The following C2orf76 variants were observed in gnomAD, a reference collection of about 807,000 sequenced individuals.
C2orf76 encodes the protein chromosome 2 open reading frame 76, also known as UPF0538 protein C2orf76.
A neutral mutation model predicts 16.9 loss-of-function variants in C2orf76; 23 were observed. The observed-to-expected ratio is 1.36, with a 90% confidence interval of 0.98 to 1.93. The LOEUF is 1.93. Among genes scored for constraint, C2orf76 ranks in the 30% most tolerant of loss-of-function variants. The probability of loss-of-function intolerance (pLI) is 0.00; values close to 1 mark genes in which losing one functional copy is unlikely to be tolerated. For synonymous variants in C2orf76, 48 were observed against 52.3 expected (o/e 0.92, Z 0.35); for missense variants, 152 against 152.6 (o/e 1.00, Z 0.02).
the C2orf76 span, among the ~76,000 whole-genome samples, chr2:119,281,531 GA>G: frequency 6.6e-6 from 1 of 151,980 alleles, no homozygotes; most frequent in African/African-American, 2.4e-5. Context: ...AAGAGAGAGA[GA>G]GAGAGAATGA....
chr2:119,289,687 G>GA, the C2orf76 span, among the ~76,000 whole-genome samples: 33,315 of 141,672 alleles, frequency 0.24, 4,033 homozygotes, highest in Middle Eastern at 0.35. Flanking sequence ...TCCGTCTCAA[G>GA]AAAAAAAAAA....
intron 5 of C2orf76, among the ~76,000 whole-genome samples, chr2:119,305,757 T>C (rs1434311095): frequency 6.6e-6 from 1 of 152,154 alleles, no homozygotes; most frequent in Non-Finnish European, 1.5e-5. Context: ...AATCCTAATC[T>C]ATAAATCATT....
chr2:119,302,871 C>G (rs1271491816), intron 5 of C2orf76, among the ~76,000 whole-genome samples: 1 of 152,080 alleles, frequency 6.6e-6, no homozygotes, highest in Non-Finnish European at 1.5e-5. Context: ...GTCTTTTTTA[C>G]AGTGCTAGGA....
At chr2:119,325,997 A>G (rs1374815743) in intron 2 of C2orf76, among the ~76,000 whole-genome samples, 1 of 152,084 alleles carries the variant, frequency 6.6e-6, no homozygotes, top group African/African-American at 2.4e-5. Context: ...TCCTTGTTGG[A>G]TGTATGTTTT....
rs779080867 is a variant in C2orf76, at chr2:119,311,615, T to A, written c.304+7A>T. 1 of 1,612,784 alleles carries A rather than the reference T, an allele frequency of 6.2e-7. No homozygotes were observed. The highest frequency in any genetic ancestry group is 1.1e-5 in the South Asian group (1 of 90,910). On this transcript the variant is annotated splice_region_variant and intron_variant, in intron 5 of 5. Transcript: ENST00000334816. Reference sequence around the variant, plus strand: ...CCCCTCCAGCAACACAAGGCCCCCTTCCTCACCGATTCCAGCTGCTTTCAG... The same window carrying A: ...CCCCTCCAGCAACACAAGGCCCCCTACCTCACCGATTCCAGCTGCTTTCAG...
chr2:119,311,487 G>C, intron 5 of C2orf76, 135 bp downstream of exon 5: 1 of 1,438,662 alleles, frequency 7.0e-7, no homozygotes, highest in East Asian at 2.5e-5. Flanking sequence ...CTCCTCCTCT[G>C]AACAGTTACC....
intron 1 of C2orf76, among the ~76,000 whole-genome samples, chr2:119,343,796 A>T (rs1305010384): frequency 6.6e-6 from 1 of 152,298 alleles, no homozygotes; most frequent in East Asian, 1.9e-4. Context: ...CAAACAAACA[A>T]AAAAACAAGT....
chr2:119,314,682 A>G (rs1679109156), intron 4 of C2orf76, among the ~76,000 whole-genome samples: 2 of 152,164 alleles, frequency 1.3e-5, no homozygotes, highest in Admixed American at 1.3e-4. Flanking sequence ...TCTCCTGATT[A>G]TTCTTATTTT....
chr2:119,291,643 T>C, the C2orf76 span, among the ~76,000 whole-genome samples: 1 of 151,730 alleles, frequency 6.6e-6, no homozygotes, highest in Non-Finnish European at 1.5e-5. Flanking sequence ...CTGGGTGGTG[T>C]GGTTGGAGCT....
chr2:119,358,442 G>A (rs931251474), intron 1 of C2orf76, among the ~76,000 whole-genome samples: 2 of 151,994 alleles, frequency 1.3e-5, no homozygotes, highest in African/African-American at 4.8e-5. Context: ...GCTGGGAGTC[G>A]TGGTGTGCAT....
chr2:119,292,498 G>A, the C2orf76 span, among the ~76,000 whole-genome samples: 1 of 152,116 alleles, frequency 6.6e-6, no homozygotes, highest in Non-Finnish European at 1.5e-5. Context: ...GAGTCAGACC[G>A]ACAAAAACAA....
chr2:119,297,847 C>G (rs1207868188), downstream of C2orf76, among the ~76,000 whole-genome samples: 1 of 152,156 alleles, frequency 6.6e-6, no homozygotes, highest in South Asian at 2.1e-4. Flanking sequence ...CATGAAAAAG[C>G]TCAGAAACTC....
At chr2:119,310,637 C>T (rs191709969) in intron 5 of C2orf76, among the ~76,000 whole-genome samples, 29 of 152,188 alleles carry the variant, frequency 1.9e-4, no homozygotes, top group African/African-American at 6.3e-4. Flanking sequence ...AATGTGAGGC[C>T]GAGGCAGGCA....
In C2orf76 at chr2:119,356,121, G is replaced by A. The variant is rs551898269; in HGVS notation, c.-13+10669C>T. Among the ~76,000 whole-genome samples the A allele has an allele frequency of 2.6e-5, 4 of 152,306 alleles. No homozygotes were observed. In the East Asian group the frequency reaches 7.7e-4, roughly 29 times the overall value. ...AAGACGAAGTCTCAAAGGAAACAAA[G>A]GCCAGGTTCGGTGGCTCTCAGTTGT... On this transcript the variant is annotated intron_variant, in intron 1 of 5. Transcript: ENST00000334816.
intron 1 of C2orf76, among the ~76,000 whole-genome samples, chr2:119,349,291 A>G (rs572601677): frequency 5.3e-4 from 81 of 152,304 alleles, no homozygotes; most frequent in Middle Eastern, 3.4e-3. Flanking sequence ...GTTATTTTTA[A>G]AACTCAGCTA....
chr2:119,289,803 G>A, the C2orf76 span, among the ~76,000 whole-genome samples: 2 of 151,780 alleles, frequency 1.3e-5, no homozygotes, highest in Non-Finnish European at 2.9e-5. Context: ...CTCAGGCCCC[G>A]CTCGTAGCCC....
chr2:119,364,508 C>A (rs528893568), intron 1 of C2orf76, among the ~76,000 whole-genome samples: 16 of 152,256 alleles, frequency 1.1e-4, no homozygotes, highest in South Asian at 6.2e-4. Flanking sequence ...CAGAATAAAT[C>A]TTCATAGAGA....
At chr2:119,338,082 C>A (rs1400297597) in intron 2 of C2orf76, among the ~76,000 whole-genome samples, 1 of 152,190 alleles carries the variant, frequency 6.6e-6, no homozygotes, top group Non-Finnish European at 1.5e-5. Context: ...CAAACTCTGA[C>A]TATGCTTTGG....
the C2orf76 span, among the ~76,000 whole-genome samples, chr2:119,294,364 G>A: frequency 1.3e-5 from 2 of 152,188 alleles, no homozygotes; most frequent in Non-Finnish European, 2.9e-5. Context: ...AAGAGGGTAT[G>A]GAGAACTCGG....
Sources: allele counts gnomAD v4.1 joint callset (sites outside exome capture counted in the v4.1 genomes callset), GRCh38; gene constraint gnomAD v4.1.1; transcripts MANE v1.5; gene names NCBI Gene and HGNC (gene_info 2026-07-23, HGNC 2026-07-21).